ASTN2: variants seen among roughly 807,000 people sequenced by gnomAD.
The protein encoded by ASTN2 is astrotactin 2, also known as astrotactin-2.
Under a neutral mutation model 139.8 loss-of-function variants are expected in ASTN2, and 54 were observed. The ratio of observed to expected loss-of-function variants is 0.39; its 90% CI spans 0.31 to 0.48. The LOEUF is 0.48. ASTN2 is among the 20% of genes least tolerant of loss of function. ASTN2 has a pLI of 0.95. For missense variants in ASTN2, 1,565 were observed against 1,725.1 expected (o/e 0.91, Z 1.64); for synonymous variants, 756 against 719.5 (o/e 1.05, Z -0.81).
intron 19 of ASTN2, among the ~76,000 whole-genome samples, chr9:116,578,311 T>C (rs932803802): frequency 6.6e-6 from 1 of 152,136 alleles, no homozygotes; most frequent in Non-Finnish European, 1.5e-5. Context: ...TTGTTAAAAC[T>C]AGGACCCAAA....
intron 19 of ASTN2, among the ~76,000 whole-genome samples, chr9:116,594,009 AG>A (rs1374242392): frequency 2.0e-5 from 3 of 152,228 alleles, no homozygotes; most frequent in Admixed American, 2.0e-4. Flanking sequence ...AATATATGCC[AG>A]GTATATCTTT....
At chr9:116,777,190 C>T (rs963590763) in intron 13 of ASTN2, among the ~76,000 whole-genome samples, 3 of 152,120 alleles carry the variant, frequency 2.0e-5, no homozygotes, top group Non-Finnish European at 2.9e-5. Context: ...ACCCCTCTCT[C>T]TGGTCTGGAA....
chr9:116,781,931 T>C (rs1830229597), intron 13 of ASTN2, among the ~76,000 whole-genome samples: 1 of 152,136 alleles, frequency 6.6e-6, no homozygotes, highest in African/African-American at 2.4e-5. Context: ...TTCAGATACC[T>C]CGAGCAGCTT....
intron 16 of ASTN2, chr9:116,687,358 C>T: frequency 1.4e-6 from 1 of 698,550 alleles, no homozygotes; most frequent in Non-Finnish European, 1.8e-6. Flanking sequence ...CGGCGGTGGA[C>T]TCGTCGGAGC....
At chr9:117,312,950 C>T (rs928165916) in intron 1 of ASTN2, among the ~76,000 whole-genome samples, 4 of 152,190 alleles carry the variant, frequency 2.6e-5, no homozygotes, top group Non-Finnish European at 5.9e-5. Flanking sequence ...TATCTCACTC[C>T]CAAATGAAAA....
chr9:117,266,491 A>C (rs1029148005), intron 2 of ASTN2, among the ~76,000 whole-genome samples: 1 of 152,230 alleles, frequency 6.6e-6, no homozygotes, highest in African/African-American at 2.4e-5. Context: ...CATCAACATT[A>C]GAATGCGAAG....
chr9:116,892,776 G>T (rs1419416444), intron 10 of ASTN2, among the ~76,000 whole-genome samples: 1 of 152,066 alleles, frequency 6.6e-6, no homozygotes, highest in African/African-American at 2.4e-5. Context: ...AATGTCACCT[G>T]CTCAGTGTCA....
Position 117,291,478 on chromosome 9 carries a change from G to A in ASTN2, c.478C>T (p.His160Tyr). 1 of 1,613,006 alleles carries A rather than the reference G, an allele frequency of 6.2e-7. No homozygotes were observed. The highest frequency in any genetic ancestry group is 8.5e-7 in the Non-Finnish European group (1 of 1,179,452). The change falls in exon 2 of 23, where the codon CAC becomes TAC. Residue 160 changes from histidine to tyrosine, a missense_variant. Physicochemically the swap from His to Tyr is moderately conservative, Grantham distance 83 (BLOSUM62 2). This residue lies in a region of ASTN2 where 596 missense variants were observed against 576.8 expected (regional missense o/e 1.03). Coordinates refer to ENST00000313400, the MANE Select transcript of ASTN2 (RefSeq NM_001365068.1). ...TTCTCCAGCCACTGCTGTCTCCAGT[G>A]CACCAGCGAGATGTCCGCTGCTGTG... ...SGTAADISLVHWRQQWLENGT... is the reference protein window; with the variant it reads ...SGTAADISLVYWRQQWLENGT...
At chr9:116,992,110 G>T (rs1226218303) in intron 7 of ASTN2, among the ~76,000 whole-genome samples, 1 of 152,210 alleles carries the variant, frequency 6.6e-6, no homozygotes, top group Non-Finnish European at 1.5e-5. Flanking sequence ...CAAGTTTGGA[G>T]CTGGGAGGAT....
chr9:117,187,893 C>G (rs913944608), intron 3 of ASTN2, among the ~76,000 whole-genome samples: 1 of 152,136 alleles, frequency 6.6e-6, no homozygotes, highest in Non-Finnish European at 1.5e-5. Context: ...AAGCATTCAC[C>G]TTTATAATTG....
At chr9:117,104,820 AG>A in intron 4 of ASTN2, among the ~76,000 whole-genome samples, 1 of 152,298 alleles carries the variant, frequency 6.6e-6, no homozygotes, top group South Asian at 2.1e-4. Flanking sequence ...TTTTTTAATA[AG>A]TACTCTTTAT....
In ASTN2 at chr9:117,210,765, T is replaced by A. The variant is rs1438772314; in HGVS notation, c.1015+3593A>T. Among the ~76,000 whole-genome samples the A allele has an allele frequency of 2.0e-5, 3 of 152,088 alleles. No homozygotes were observed. In the East Asian group the frequency reaches 5.8e-4, roughly 29 times the overall value. ...AAGGACACACACACAAAAAGAAAAC[T>A]ACAGGTCAATATCCCTGATGAAAAT... On this transcript the variant is annotated intron_variant, in intron 3 of 22. Transcript: ENST00000313400.
intron 3 of ASTN2, among the ~76,000 whole-genome samples, chr9:117,212,291 C>T (rs940288249): frequency 1.3e-5 from 2 of 151,710 alleles, no homozygotes; most frequent in Non-Finnish European, 2.9e-5. Context: ...ATGTAAGACC[C>T]GAAATGATAA....
At chr9:116,683,059 AT>A (rs952192070) in intron 16 of ASTN2, among the ~76,000 whole-genome samples, 3 of 151,574 alleles carry the variant, frequency 2.0e-5, no homozygotes, top group African/African-American at 7.2e-5. Flanking sequence ...TAAAAAATAA[AT>A]TAAAAAAAAA....
chr9:117,264,937 C>G (rs1833908706), intron 2 of ASTN2, among the ~76,000 whole-genome samples: 1 of 152,176 alleles, frequency 6.6e-6, no homozygotes, highest in Non-Finnish European at 1.5e-5. Flanking sequence ...TTGGCAACAT[C>G]TAAGCTGAGA....
At chr9:116,632,252 G>A (rs7391037) in intron 17 of ASTN2, among the ~76,000 whole-genome samples, 10,492 of 67,308 alleles carry the variant, frequency 0.16, 1,376 homozygotes, top group African/African-American at 0.24. Flanking sequence ...AAAGAAAGAA[G>A]GAAAGAAAGA....
chr9:116,795,026 G>C (rs1373206539), intron 13 of ASTN2, among the ~76,000 whole-genome samples: 1 of 152,208 alleles, frequency 6.6e-6, no homozygotes, highest in African/African-American at 2.4e-5. Context: ...GCCCAGGCTA[G>C]AGTGCAATGG....
At chr9:116,865,454 A>G (rs1291696631) in intron 10 of ASTN2, among the ~76,000 whole-genome samples, 1 of 131,998 alleles carries the variant, frequency 7.6e-6, no homozygotes, top group South Asian at 2.5e-4. Context: ...AAAAAAAAAA[A>G]AAGGCAAGCG....
Position 116,969,327 on chromosome 9 carries a change from T to C in ASTN2, c.1889+5881A>G, listed in dbSNP as rs117985669. Among the ~76,000 whole-genome samples the C allele has an allele frequency of 1.8e-3, 274 of 152,314 alleles. 4 individuals are homozygous for C. The East Asian group carries it at 0.043, about 24-fold the overall frequency. On this transcript the variant is annotated intron_variant, in intron 10 of 22. Coordinates refer to ENST00000313400, the MANE Select transcript of ASTN2 (RefSeq NM_001365068.1). ...ACATAATCCTCTTTGTGCCTCAGTT[T>C]CCTCATGCATTAAATGGAGCTAATA...
Sources: allele counts gnomAD v4.1 joint callset (sites outside exome capture counted in the v4.1 genomes callset), GRCh38; gene constraint gnomAD v4.1.1; regional missense constraint gnomAD v4.1.1; transcripts MANE v1.5; gene names NCBI Gene and HGNC (gene_info 2026-07-23, HGNC 2026-07-21).